The following PLEKHS1 variants were observed in gnomAD, a reference collection of about 807,000 sequenced individuals.
The protein encoded by PLEKHS1 is pleckstrin homology domain-containing family S member 1.
Under a neutral mutation model 51.0 loss-of-function variants are expected in PLEKHS1, and 55 were observed. The ratio of observed to expected loss-of-function variants is 1.08; its 90% CI spans 0.87 to 1.35. The LOEUF (loss-of-function observed/expected upper bound fraction) is 1.35, where lower values mean the gene tolerates loss of function less well. Among genes scored for constraint, PLEKHS1 ranks in the 40% most tolerant of loss-of-function variants. PLEKHS1 has a pLI of 0.00. For synonymous variants in PLEKHS1, 153 were observed against 144.8 expected (o/e 1.06, Z -0.41); for missense variants, 398 against 423.0 (o/e 0.94, Z 0.52).
At chr10:113,779,891 T>C (rs1196037255) in intron 11 of PLEKHS1, among the ~76,000 whole-genome samples, 5 of 152,352 alleles carry the variant, frequency 3.3e-5, no homozygotes, top group African/African-American at 7.2e-5. Flanking sequence ...ATCTGGAAGA[T>C]AGAAAATTCC....
rs140135751 is a variant in PLEKHS1 at position 113,778,265 on chromosome 10, A to G, written c.*-2337A>G. Among the ~76,000 whole-genome samples the G allele has an allele frequency of 3.1e-3, 472 of 152,286 alleles. 2 individuals carry two copies. Among genetic ancestry groups the G allele is most frequent in the African/African-American group, 0.011 (450 of 41,566 alleles). ...GGTGAAAGGAGAGGAGAGGAAGGAGAGAGTATGCTGGGTCTTCAACTGGAG... is the reference window on the plus strand; with the variant it reads ...GGTGAAAGGAGAGGAGAGGAAGGAGGGAGTATGCTGGGTCTTCAACTGGAG... On this transcript the variant is annotated intron_variant, in intron 11 of 11. Coordinates refer to ENST00000361048, the Ensembl canonical transcript of PLEKHS1.
At chr10:113,772,747 A>G (rs1306415005) in intron 8 of PLEKHS1, among the ~76,000 whole-genome samples, 1 of 152,158 alleles carries the variant, frequency 6.6e-6, no homozygotes, top group South Asian at 2.1e-4. Flanking sequence ...ATGAAGTGCC[A>G]TTTGATACAT....
At chr10:113,755,741 G>T (rs1352862654) in intron 2 of PLEKHS1, among the ~76,000 whole-genome samples, 7 of 152,166 alleles carry the variant, frequency 4.6e-5, no homozygotes, top group Admixed American at 2.6e-4. Context: ...GGCATTCTGT[G>T]ACAATGATTC....
In PLEKHS1 at chr10:113,769,768, CT is replaced by C. The variant is rs750186238; in HGVS notation, c.436-9del. 6.4e-6 allele frequency: 10 copies of C among 1,561,654 alleles called. No individual in the cohort carries two copies. Among genetic ancestry groups the C allele is most frequent in the Non-Finnish European group, 7.9e-6 (9 of 1,132,504 alleles). ...AGATCAACTGTGCCCTGACTGATTC[CT>C]TTTTTTGTGAGCAGGAGGAACTCTC... On this transcript the variant is annotated splice_polypyrimidine_tract_variant and intron_variant, in intron 6 of 11. Coordinates refer to ENST00000361048, the Ensembl canonical transcript of PLEKHS1.
chr10:113,772,432 T>C (rs1178822868), intron 8 of PLEKHS1, among the ~76,000 whole-genome samples: 2 of 151,186 alleles, frequency 1.3e-5, no homozygotes, highest in Non-Finnish European at 2.9e-5. Flanking sequence ...CCTTGAGGAG[T>C]CTTTCTGCAT....
chr10:113,767,473 A>G lies in PLEKHS1; in HGVS notation c.353A>G (p.His118Arg), dbSNP rs755305692. ...AACAGGGAATACTTCCTCATTGGCC[A>G]CGACAGGTGAGAGAAGTAAGATAAC... Residue 118 changes from histidine to arginine, a missense_variant, in exon 5 of 12, where the codon CAC becomes CGC. Physicochemically the swap from His to Arg is conservative, Grantham distance 29 (BLOSUM62 0). Transcript: ENST00000361048. 26 of 1,607,306 alleles carry G rather than the reference A, an allele frequency of 1.6e-5. 1 individual carries two copies. Among genetic ancestry groups the G allele is most frequent in the Middle Eastern group, 1.7e-4 (1 of 6,046 alleles).
intron 2 of PLEKHS1, among the ~76,000 whole-genome samples, chr10:113,761,895 GAATT>G (rs2134494690): frequency 6.6e-6 from 1 of 152,048 alleles, no homozygotes; most frequent in Non-Finnish European, 1.5e-5. Context: ...GCTTTGTGTA[GAATT>G]GATTATTTCT....
intron 7 of PLEKHS1, 35 bp from the exon 8 acceptor site, chr10:113,771,935 A>C (rs1400552180): frequency 6.3e-7 from 1 of 1,585,748 alleles, no homozygotes; most frequent in Admixed American, 2.0e-5. Flanking sequence ...TCTCTTGCAA[A>C]GAAAAAGCAA....
intron 8 of PLEKHS1, among the ~76,000 whole-genome samples, 158 bp downstream of exon 8, chr10:113,772,247 G>A (rs1340302102): frequency 1.3e-5 from 2 of 152,194 alleles, no homozygotes; most frequent in Non-Finnish European, 2.9e-5. Context: ...TTGACTAGGA[G>A]ACAGCTGTAA....
chr10:113,771,716 A>G (rs1168170497), intron 7 of PLEKHS1, among the ~76,000 whole-genome samples: 1 of 151,830 alleles, frequency 6.6e-6, no homozygotes, highest in Admixed American at 6.6e-5. Context: ...CACAGGAGAA[A>G]ACCACTTGTT....
chr10:113,771,978 G>A (rs1189003951), exon 8 of PLEKHS1: 1 of 1,609,796 alleles, frequency 6.2e-7, no homozygotes, highest in East Asian at 2.2e-5. Flanking sequence ...AGCATTTAAT[G>A]GAACAAAGTT....
At chr10:113,755,198 C>T in intron 1 of PLEKHS1, 61 bp from the exon 2 acceptor site, 2 of 1,530,848 alleles carry the variant, frequency 1.3e-6, no homozygotes, top group African/African-American at 1.4e-5. Flanking sequence ...CCAGCGGTGG[C>T]TGGTCAATGA....
chr10:113,763,507 G>T (rs1162851011), intron 2 of PLEKHS1, among the ~76,000 whole-genome samples: 1 of 152,002 alleles, frequency 6.6e-6, no homozygotes, highest in African/African-American at 2.4e-5. Context: ...CCTATTTGTT[G>T]TTTGTTCTCC....
At chr10:113,766,760 A>G in intron 4 of PLEKHS1, 42 bp downstream of exon 4, 4 of 1,416,156 alleles carry the variant, frequency 2.8e-6, no homozygotes, top group Non-Finnish European at 3.9e-6. Context: ...AACAAATACT[A>G]TAAAGTCAAA....
chr10:113,780,466 C>T (rs1844830131), intron 11 of PLEKHS1, 136 bp from the exon 13 acceptor site: 1 of 801,448 alleles, frequency 1.2e-6, no homozygotes, highest in Non-Finnish European at 2.0e-6. Context: ...CTGTCTATTT[C>T]TGGCCCAGAT....
rs1564828586 is a variant in PLEKHS1, at chr10:113,777,205, A to T, written c.1091+1339A>T. 2.2e-5 allele frequency: 36 copies of T among 1,612,510 alleles called. No homozygotes were observed. The highest frequency in any genetic ancestry group is 2.9e-5 in the Non-Finnish European group (34 of 1,179,824). Reference sequence around the variant, plus strand: ...ATCTTCTGGCAGTGAATGACCTGAAACCCCAGAGCCTGGAGGAGGTCTCCC... The same window carrying T: ...ATCTTCTGGCAGTGAATGACCTGAATCCCCAGAGCCTGGAGGAGGTCTCCC... On this transcript the variant is annotated intron_variant, in intron 11 of 11. Coordinates refer to ENST00000361048, the Ensembl canonical transcript of PLEKHS1.
chr10:113,757,690 T>C (rs1398161425), intron 2 of PLEKHS1, among the ~76,000 whole-genome samples: 4 of 152,230 alleles, frequency 2.6e-5, no homozygotes, highest in South Asian at 4.1e-4. Context: ...CATCGATTGA[T>C]TGTACTTTCA....
At chr10:113,759,861 T>G (rs1414862921) in intron 2 of PLEKHS1, among the ~76,000 whole-genome samples, 1 of 152,232 alleles carries the variant, frequency 6.6e-6, no homozygotes, top group Non-Finnish European at 1.5e-5. Flanking sequence ...TTTAAAAAGC[T>G]TTATTGAGGT....
intron 6 of PLEKHS1, among the ~76,000 whole-genome samples, chr10:113,769,464 G>A (rs1295785930): frequency 6.6e-6 from 1 of 152,198 alleles, no homozygotes; most frequent in Non-Finnish European, 1.5e-5. Context: ...GAGAAATCAA[G>A]GCATGTCTTC....
Sources: gnomAD v4.1 joint callset for allele counts (sites outside exome capture counted in the v4.1 genomes callset) on GRCh38, gnomAD v4.1.1 for gene constraint, MANE v1.5 for transcripts, NCBI Gene and HGNC (gene_info 2026-07-23, HGNC 2026-07-21) for gene names.